The following ESRRG variants were observed in gnomAD, a reference collection of about 807,000 sequenced individuals.
The protein encoded by ESRRG is estrogen-related receptor gamma.
A neutral mutation model predicts 44.0 loss-of-function variants in ESRRG; 13 were observed. The observed-to-expected ratio is 0.30, with a 90% CI of 0.19 to 0.47. The LOEUF (loss-of-function observed/expected upper bound fraction) is 0.47. Ranked by LOEUF, ESRRG falls within the 20% of genes least tolerant of loss-of-function variation. The pLI, the probability that ESRRG is intolerant of heterozygous loss-of-function variation, is 1.00. For synonymous variants in ESRRG, 215 were observed against 214.6 expected, an observed-to-expected ratio of 1.00 and a Z score of -0.02; for missense variants, 395 against 580.6, an observed-to-expected ratio of 0.68 and a Z score of 3.29.
intron 3 of ESRRG, among the ~76,000 whole-genome samples, chr1:216,622,688 A>G (rs1423664014): frequency 6.6e-6 from 1 of 152,038 alleles, no homozygotes; most frequent in African/African-American, 2.4e-5. Context: ...CATGCCTTTT[A>G]TCAGTGTTCT....
intron 2 of ESRRG, among the ~76,000 whole-genome samples, chr1:216,752,011 C>A (rs2092062974): frequency 6.6e-6 from 1 of 152,048 alleles, no homozygotes; most frequent in African/African-American, 2.4e-5. Flanking sequence ...AGGCCATCAT[C>A]CTTGCTCTGT....
chr1:216,735,979 C>A (rs1238921992), intron 2 of ESRRG, among the ~76,000 whole-genome samples: 9 of 115,536 alleles, frequency 7.8e-5, no homozygotes, highest in Non-Finnish European at 1.3e-4. Context: ...CTCCCCATCT[C>A]AAAAAAAAAT....
At chr1:216,684,743 T>C (rs1575269784) in intron 1 of ESRRG, among the ~76,000 whole-genome samples, 1 of 152,174 alleles carries the variant, frequency 6.6e-6, no homozygotes, top group South Asian at 2.1e-4. Flanking sequence ...ATAACTAACA[T>C]GATATTTAAC....
intron 1 of ESRRG, among the ~76,000 whole-genome samples, chr1:216,997,119 T>C (rs1190416682): frequency 6.6e-6 from 1 of 152,094 alleles, no homozygotes; most frequent in Non-Finnish European, 1.5e-5. Flanking sequence ...GAGCTAACAG[T>C]AGAATATTAA....
intron 1 of ESRRG, among the ~76,000 whole-genome samples, chr1:216,967,391 C>T (rs1332302958): frequency 1.3e-5 from 2 of 152,132 alleles, no homozygotes; most frequent in Non-Finnish European, 2.9e-5. Flanking sequence ...CACCTCTTCA[C>T]CCTGCAGTCC....
intron 3 of ESRRG, among the ~76,000 whole-genome samples, chr1:216,607,504 T>A (rs2060087410): frequency 6.6e-6 from 1 of 152,156 alleles, no homozygotes; most frequent in South Asian, 2.1e-4. Flanking sequence ...AATGAAGAGA[T>A]GTTACAGCAT....
chr1:216,570,595 A>G (rs1442066847), intron 3 of ESRRG, among the ~76,000 whole-genome samples: 1 of 152,206 alleles, frequency 6.6e-6, no homozygotes, highest in Admixed American at 6.5e-5. Context: ...AGAATTTTGA[A>G]AATTAAAAAT....
chr1:217,131,515 T>A (rs2092966117), intron 1 of ESRRG, among the ~76,000 whole-genome samples: 2 of 152,218 alleles, frequency 1.3e-5, no homozygotes. Context: ...CATGTGCTGT[T>A]ATTGTAAGGA....
chr1:216,868,448 T>C (rs2096208601), intron 2 of ESRRG, among the ~76,000 whole-genome samples: 1 of 152,142 alleles, frequency 6.6e-6, no homozygotes, highest in African/African-American at 2.4e-5. Flanking sequence ...TGCACCACAG[T>C]TTATCTATCC....
chr1:216,619,023 C>A (rs896041658), intron 3 of ESRRG, among the ~76,000 whole-genome samples: 2 of 152,152 alleles, frequency 1.3e-5, no homozygotes, highest in Non-Finnish European at 2.9e-5. Flanking sequence ...ATTAATTTGG[C>A]GAGGCATTCA....
At chr1:216,931,582 G>A (rs900005424) in intron 2 of ESRRG, among the ~76,000 whole-genome samples, 11 of 151,834 alleles carry the variant, frequency 7.2e-5, no homozygotes, top group African/African-American at 9.7e-5. Flanking sequence ...GCTGCACCCC[G>A]CCTCCCAACT....
At chr1:217,090,830 G>A (rs185963028), upstream of ESRRG, among the ~76,000 whole-genome samples, 1 of 152,288 alleles carries the variant, frequency 6.6e-6, no homozygotes, top group Admixed American at 6.5e-5. Flanking sequence ...ATACAAAGAT[G>A]TTATTGCTAA....
chr1:216,679,358 G>C (rs926096248), intron 1 of ESRRG, among the ~76,000 whole-genome samples: 5 of 152,150 alleles, frequency 3.3e-5, no homozygotes, highest in African/African-American at 1.2e-4. Flanking sequence ...TCAAGTCATC[G>C]TTTGAAAGAA....
At chr1:216,677,024 C>T in intron 2 of ESRRG, 52 bp downstream of exon 2, 2 of 1,394,474 alleles carry the variant, frequency 1.4e-6, no homozygotes, top group Non-Finnish European at 1.0e-6. Flanking sequence ...AAAACAAAAA[C>T]CCATCATGTG....
intron 1 of ESRRG, among the ~76,000 whole-genome samples, chr1:216,684,973 C>T (rs3862956): frequency 0.58 from 88,354 of 152,020 alleles, 25,790 homozygotes; most frequent in South Asian, 0.64. Flanking sequence ...GAGAGAATCT[C>T]GAAAACCTCC....
At chr1:216,927,463 A>G (rs1178392368) in intron 2 of ESRRG, among the ~76,000 whole-genome samples, 1 of 152,120 alleles carries the variant, frequency 6.6e-6, no homozygotes, top group African/African-American at 2.4e-5. Context: ...ATCCCCAAGG[A>G]TGGATCCAAG....
At chr1:216,651,376 A>G (rs1254767549) in intron 2 of ESRRG, among the ~76,000 whole-genome samples, 1 of 152,208 alleles carries the variant, frequency 6.6e-6, no homozygotes, top group Non-Finnish European at 1.5e-5. Context: ...AGAGTCTTCC[A>G]GAGTCTTATG....
intron 2 of ESRRG, among the ~76,000 whole-genome samples, chr1:216,869,386 T>C (rs2096226153): frequency 6.6e-6 from 1 of 152,168 alleles, no homozygotes. Flanking sequence ...AGTTTATTTC[T>C]GGATTCTTGT....
rs543821679 is a variant in ESRRG at position 216,616,819 on chromosome 1, A to C, written c.589+34154T>G. The stretch of plus-strand genomic sequence containing the variant: ...TTGCCTGTAAGCACAACGGGAGGAA[A>C]GAGTAGGGTGGCAGAAATATTATTA... On this transcript the variant is annotated intron_variant, in intron 3 of 6. Coordinates refer to ENST00000408911, the MANE Select transcript of ESRRG (RefSeq NM_001438.4). 8.7e-4 allele frequency among the ~76,000 whole-genome samples: 132 copies of C among 152,320 alleles called. 2 individuals carry two copies. The South Asian group carries it at 9.1e-3, about 11-fold the overall frequency.
Sources: allele counts gnomAD v4.1 joint callset (sites outside exome capture counted in the v4.1 genomes callset), GRCh38; gene constraint gnomAD v4.1.1; transcripts MANE v1.5; gene names NCBI Gene and HGNC (gene_info 2026-07-23, HGNC 2026-07-21).